The following PUDP variants were observed in gnomAD, a reference collection of about 807,000 sequenced individuals.
PUDP encodes pseudouridine-5'-phosphatase.
A neutral mutation model predicts 9.4 loss-of-function variants in PUDP; 8 were observed. That is an observed-to-expected ratio of 0.85 (90% CI 0.50 to 1.53). PUDP has a LOEUF of 1.53. PUDP is among the 40% of genes most tolerant of loss of function. PUDP has a pLI of 0.00. For synonymous variants in PUDP, 99 were observed against 80.7 expected (o/e 1.23, Z -1.22); for missense variants, 188 against 189.7 (o/e 0.99, Z 0.05).
chrX:6,963,344 C>T (rs1382270331), intron 3 of PUDP, among the ~76,000 whole-genome samples: 2 of 111,178 alleles, frequency 1.8e-5, no homozygotes, highest in Non-Finnish European at 3.8e-5. Flanking sequence ...CATTTATTAC[C>T]TCCTTCAGGT....
chrX:6,808,587 G>A (rs1926090433), intron 3 of PUDP, among the ~76,000 whole-genome samples: 1 of 111,329 alleles, frequency 9.0e-6, no homozygotes, highest in African/African-American at 3.3e-5. Context: ...CCTTCTCCTT[G>A]AATTACCATG....
chrX:6,976,383 G>A (rs1415422201), intron 3 of PUDP, among the ~76,000 whole-genome samples: 1 of 111,840 alleles, frequency 8.9e-6, no homozygotes, highest in Non-Finnish European at 1.9e-5. Flanking sequence ...CATGGGAAAA[G>A]CATAGAATCT....
At chrX:6,706,192 T>C (rs187253816) in intron 2 of PUDP, among the ~76,000 whole-genome samples, 1 of 112,150 alleles carries the variant, frequency 8.9e-6, no homozygotes, top group Admixed American at 9.5e-5. Context: ...AAAGGAGTGA[T>C]GAGGAGTTAT....
chrX:6,945,527 T>C (rs1286882728), intron 3 of PUDP, among the ~76,000 whole-genome samples: 9 of 111,716 alleles, frequency 8.1e-5, no homozygotes, highest in African/African-American at 2.3e-4. Flanking sequence ...AAGGCAACCA[T>C]TGATGAATAA....
chrX:7,100,297 C>T (rs531641603), intron 2 of PUDP, among the ~76,000 whole-genome samples: 1 of 111,335 alleles, frequency 9.0e-6, no homozygotes, highest in African/African-American at 3.3e-5. Flanking sequence ...CACACAGCCC[C>T]TGCAGCATGA....
chrX:7,003,316 TAG>T (rs945482948), intron 1 of PUDP, among the ~76,000 whole-genome samples: 12 of 110,983 alleles, frequency 1.1e-4, no homozygotes, highest in Non-Finnish European at 2.1e-4. Flanking sequence ...TGGTGGGCAG[TAG>T]AGTGAGTAGG....
At chrX:6,996,343 G>A (rs1306242859) in intron 1 of PUDP, among the ~76,000 whole-genome samples, 1 of 110,841 alleles carries the variant, frequency 9.0e-6, no homozygotes, top group Non-Finnish European at 1.9e-5. Flanking sequence ...AGAACAATAG[G>A]TGGGAACTAC....
At chrX:6,844,761 A>G (rs1319902052) in intron 3 of PUDP, among the ~76,000 whole-genome samples, 1 of 112,309 alleles carries the variant, frequency 8.9e-6, no homozygotes, top group Non-Finnish European at 1.9e-5. Context: ...CAAGCTGGAG[A>G]ACCAGGAAAG....
At chrX:6,842,294 CCTT>C (rs918548588) in intron 3 of PUDP, among the ~76,000 whole-genome samples, 7 of 111,874 alleles carry the variant, frequency 6.3e-5, no homozygotes, top group Non-Finnish European at 1.3e-4. Flanking sequence ...TAAAATGCCT[CCTT>C]GTCAGTCTCA....
upstream of PUDP, among the ~76,000 whole-genome samples, chrX:6,725,499 T>C (rs1924728378): frequency 8.9e-6 from 1 of 111,914 alleles, no homozygotes; most frequent in Non-Finnish European, 1.9e-5. Context: ...TTTGACTTCT[T>C]GTTTCTGAGT....
chrX:7,091,395 G>A (rs1931417130), intron 2 of PUDP, among the ~76,000 whole-genome samples: 1 of 111,764 alleles, frequency 8.9e-6, no homozygotes, highest in Non-Finnish European at 1.9e-5. Flanking sequence ...CTGGAGTGCA[G>A]AGGCATGATC....
At chrX:6,709,568 C>G (rs1924508408) in intron 1 of PUDP, among the ~76,000 whole-genome samples, 2 of 112,058 alleles carry the variant, frequency 1.8e-5, no homozygotes, top group South Asian at 7.4e-4. Flanking sequence ...CATTGACAGT[C>G]TCTGAATTCA....
chrX:6,844,970 C>T (rs945614788), intron 3 of PUDP, among the ~76,000 whole-genome samples: 3 of 112,344 alleles, frequency 2.7e-5, no homozygotes, highest in Non-Finnish European at 5.6e-5. Flanking sequence ...ATTCACCCTT[C>T]TTCTGCCTTT....
intron 3 of PUDP, among the ~76,000 whole-genome samples, chrX:6,754,186 C>G (rs1925141879): frequency 9.0e-6 from 1 of 111,641 alleles, no homozygotes; most frequent in Non-Finnish European, 1.9e-5. Flanking sequence ...GTAATTGAAT[C>G]ATGGGGGCGG....
At chrX:6,822,877 C>T (rs748569287) in intron 3 of PUDP, among the ~76,000 whole-genome samples, 3 of 109,887 alleles carry the variant, frequency 2.7e-5, no homozygotes, top group Non-Finnish European at 5.7e-5. Context: ...TCAGGTAGAC[C>T]CCAGTTCCCT....
chrX:6,995,056 T>C (rs1384577044), intron 1 of PUDP, among the ~76,000 whole-genome samples: 2 of 111,274 alleles, frequency 1.8e-5, no homozygotes, highest in African/African-American at 3.3e-5. Context: ...AATCTTTGCA[T>C]AGACTTATGA....
chrX:6,801,468 G>C lies in PUDP; in HGVS notation c.*248-95002C>G, dbSNP rs1445140145. Among the ~76,000 whole-genome samples, 3 of 112,297 alleles carry C rather than the reference G, an allele frequency of 2.7e-5. 1 individual carries two copies. Among genetic ancestry groups the C allele is most frequent in the Admixed American group, 9.5e-5 (1 of 10,569 alleles). On this transcript the variant is annotated intron_variant and NMD_transcript_variant, in intron 3 of 3. Transcript: ENST00000655425. ...AGTAGGGTTCGGAAAAAATGGAGAA[G>C]GTGAGGGGAGAAAAGGCCAATGCTG...
At chrX:7,060,255 C>T (rs111558854) in intron 3 of PUDP, among the ~76,000 whole-genome samples, 2,733 of 112,104 alleles carry the variant, frequency 0.024, 52 homozygotes, top group Non-Finnish European at 0.038. Flanking sequence ...AAATAAAAGC[C>T]GGTGTTTATA....
chrX:6,849,933 T>C (rs1336480180), intron 3 of PUDP, among the ~76,000 whole-genome samples: 1 of 112,002 alleles, frequency 8.9e-6, no homozygotes, highest in Non-Finnish European at 1.9e-5. Flanking sequence ...CTGCCTCCAT[T>C]CCAAACATAG....
Sources: allele counts gnomAD v4.1 joint callset (sites outside exome capture counted in the v4.1 genomes callset), GRCh38; gene constraint gnomAD v4.1.1; transcripts MANE v1.5; gene names NCBI Gene and HGNC (gene_info 2026-07-23, HGNC 2026-07-21).